Variants in TRIO observed in about 807,000 individuals in gnomAD.
The protein encoded by TRIO is triple functional domain protein.
A neutral mutation model predicts 351.9 loss-of-function variants in TRIO; 58 were observed. That is an observed-to-expected ratio of 0.16 (90% confidence interval 0.13 to 0.21). The LOEUF is 0.21. Ranked by LOEUF, TRIO falls within the 10% of genes least tolerant of loss-of-function variation. The pLI, the probability that TRIO is intolerant of heterozygous loss-of-function variation, is 1.00. For missense variants in TRIO, 3,201 were observed against 4,027.8 expected, an observed-to-expected ratio of 0.79 and a Z score of 5.56; for synonymous variants, 1,758 against 1,595.7, an observed-to-expected ratio of 1.10 and a Z score of -2.42.
chr5:14,457,200 A>G (rs1225387879), intron 34 of TRIO, among the ~76,000 whole-genome samples: 1 of 152,232 alleles, frequency 6.6e-6, no homozygotes, highest in Non-Finnish European at 1.5e-5. Flanking sequence ...GACCACTGCT[A>G]ACATTTTTCT....
At chr5:14,488,468 A>G in intron 48 of TRIO, 1 of 668,430 alleles carries the variant, frequency 1.5e-6, no homozygotes, top group Non-Finnish European at 2.4e-6. Flanking sequence ...TTCTAATAAG[A>G]GCAAGCCGAT....
chr5:14,334,953 G>A (rs906386225), intron 10 of TRIO, among the ~76,000 whole-genome samples: 1 of 152,204 alleles, frequency 6.6e-6, no homozygotes, highest in Non-Finnish European at 1.5e-5. Flanking sequence ...GGGAGGGCCT[G>A]GATGAGAGAA....
chr5:14,222,286 T>C (rs1267418079), intron 1 of TRIO, among the ~76,000 whole-genome samples: 2 of 152,184 alleles, frequency 1.3e-5, no homozygotes, highest in Non-Finnish European at 2.9e-5. Flanking sequence ...TTATATGCAC[T>C]AGGAAACCAA....
At chr5:14,179,296 T>A (rs1273246838) in intron 1 of TRIO, among the ~76,000 whole-genome samples, 1 of 152,080 alleles carries the variant, frequency 6.6e-6, no homozygotes, top group Non-Finnish European at 1.5e-5. Flanking sequence ...AAACATACGG[T>A]GAAGTTAGAG....
intron 19 of TRIO, among the ~76,000 whole-genome samples, chr5:14,377,575 C>A (rs72748229): frequency 0.016 from 2,413 of 151,946 alleles, 29 homozygotes; most frequent in Non-Finnish European, 0.027. Flanking sequence ...TTTAATCCAC[C>A]CTTGTTGATT....
chr5:14,453,596 A>G (rs752112064), intron 34 of TRIO, among the ~76,000 whole-genome samples: 1 of 152,174 alleles, frequency 6.6e-6, no homozygotes, highest in Non-Finnish European at 1.5e-5. Context: ...ATTTAATCCT[A>G]TTACAACCCT....
At position 14,461,072 on chromosome 5, in the gene TRIO, C is replaced by T. The variant is rs1338416960; in HGVS notation, c.5257C>T (p.Leu1753Phe). Reference sequence around the variant, plus strand: ...CAGTCCACCCGCATCCGTGGCTTCCCTCCAGCCCCACATGATCGGGGCCCA... The same window carrying T: ...CAGTCCACCCGCATCCGTGGCTTCCTTCCAGCCCCACATGATCGGGGCCCA... ...DASPPASVASLQPHMIGAQSS... is the reference protein window; with the variant it reads ...DASPPASVASFQPHMIGAQSS... The change falls in exon 35 of 57, where the codon CTC (leucine) becomes TTC (phenylalanine). Residue 1753 changes from leucine to phenylalanine, a missense_variant. By Grantham distance (22) the Leu-to-Phe change is conservative. Coordinates refer to ENST00000344204, the MANE Select transcript of TRIO (RefSeq NM_007118.4). The T allele has an allele frequency of 8.2e-6, 13 of 1,579,760 alleles. No individual in the cohort carries two copies. In the African/African-American group the frequency reaches 9.5e-5, roughly 12 times the overall value.
chr5:14,428,307 A>G (rs1750816677), intron 34 of TRIO, among the ~76,000 whole-genome samples: 1 of 152,182 alleles, frequency 6.6e-6, no homozygotes. Context: ...CACCCCAAGC[A>G]CATTAATGCC....
intron 1 of TRIO, among the ~76,000 whole-genome samples, chr5:14,268,456 A>C (rs1334825810): frequency 6.6e-6 from 1 of 152,188 alleles, no homozygotes; most frequent in Non-Finnish European, 1.5e-5. Context: ...TGTGTGACTC[A>C]CAAGTGGGGC....
intron 1 of TRIO, among the ~76,000 whole-genome samples, chr5:14,238,563 G>A (rs979081922): frequency 2.6e-5 from 4 of 152,184 alleles, no homozygotes; most frequent in Non-Finnish European, 5.9e-5. Flanking sequence ...GAGATAAGGG[G>A]TATGAATCTT....
At chr5:14,230,074 C>T (rs761734473) in intron 1 of TRIO, among the ~76,000 whole-genome samples, 16 of 152,314 alleles carry the variant, frequency 1.1e-4, no homozygotes, top group African/African-American at 3.1e-4. Flanking sequence ...TCCCCCTGCA[C>T]GGGAGGTCCT....
intron 2 of TRIO, 31 bp from the exon 3 acceptor site, chr5:14,280,291 T>TCTC (rs1735887352): frequency 6.3e-7 from 1 of 1,583,760 alleles, no homozygotes; most frequent in South Asian, 1.1e-5. Flanking sequence ...TTATCTTGTG[T>TCTC]CTAAGTGTAT....
At chr5:14,201,550 G>C (rs959384522) in intron 1 of TRIO, among the ~76,000 whole-genome samples, 3 of 152,264 alleles carry the variant, frequency 2.0e-5, no homozygotes, top group African/African-American at 7.2e-5. Flanking sequence ...TGAGGATTAC[G>C]TGTAGTTATT....
intron 20 of TRIO, among the ~76,000 whole-genome samples, chr5:14,379,293 T>C (rs1030141850): frequency 6.6e-6 from 1 of 152,244 alleles, no homozygotes; most frequent in African/African-American, 2.4e-5. Flanking sequence ...AGAGCAGGCA[T>C]TGGATACATG....
rs1168037223 is a variant in TRIO, at chr5:14,497,042, C to G, written c.8019+25C>G. The G allele has an allele frequency of 1.2e-6, 2 of 1,611,640 alleles. No homozygotes were observed. The highest frequency in any genetic ancestry group is 2.7e-5 in the African/African-American group (2 of 74,760). On this transcript the variant is annotated intron_variant, in intron 50 of 56. Coordinates refer to ENST00000344204, the MANE Select transcript of TRIO (RefSeq NM_007118.4). The surrounding 1 kb of genome is among the most constrained non-coding windows in gnomAD (Gnocchi z 4.4). ...GGTGTGTTCGGGGGTCTTCAGGAGT[C>G]CGTGTCATCCCAGCATGAGAGAAAG... is the stretch of plus-strand genomic sequence containing the variant.
intron 1 of TRIO, among the ~76,000 whole-genome samples, chr5:14,159,287 A>C (rs554069823): frequency 1.5e-4 from 23 of 150,880 alleles, no homozygotes; most frequent in African/African-American, 5.6e-4. Flanking sequence ...AATTTTGTGG[A>C]AAAACCTGGG....
chr5:14,481,357 C>T, intron 44 of TRIO, 73 bp downstream of exon 44: 1 of 1,589,892 alleles, frequency 6.3e-7, no homozygotes. Context: ...TGTCTCCTAA[C>T]AGTGGTCTGG....
At chr5:14,405,123 G>A (rs961325113) in intron 31 of TRIO, among the ~76,000 whole-genome samples, 4 of 151,880 alleles carry the variant, frequency 2.6e-5, no homozygotes, top group Non-Finnish European at 4.4e-5. Flanking sequence ...AAGTGATGTC[G>A]TGCGTGCTCA....
chr5:14,405,078 G>C (rs1361612957), intron 31 of TRIO, among the ~76,000 whole-genome samples: 1 of 151,268 alleles, frequency 6.6e-6, no homozygotes, highest in Non-Finnish European at 1.5e-5. Context: ...AACCTCCTTT[G>C]AGGCAGAGTT....
Sources: gnomAD v4.1 joint callset for allele counts (sites outside exome capture counted in the v4.1 genomes callset) on GRCh38, gnomAD v4.1.1 for gene constraint, Gnocchi (gnomAD v3.1) non-coding constraint, MANE v1.5 for transcripts, NCBI Gene and HGNC (gene_info 2026-07-23, HGNC 2026-07-21) for gene names.